The following CD48 variants were observed in gnomAD, a reference collection of about 807,000 sequenced individuals.
CD48 encodes CD48 antigen.
A neutral mutation model predicts 22.0 loss-of-function variants in CD48; 20 were observed. The ratio of observed to expected loss-of-function variants is 0.91; its 90% confidence interval spans 0.64 to 1.32. The LOEUF (loss-of-function observed/expected upper bound fraction) is 1.32. Ranked by LOEUF, CD48 falls within the 40% of genes most tolerant of loss-of-function variation. CD48 has a pLI of 0.00. For synonymous variants in CD48, 110 were observed against 110.1 expected, an observed-to-expected ratio of 1.00 and a Z score of 0.01; for missense variants, 307 against 286.5, an observed-to-expected ratio of 1.07 and a Z score of -0.52.
chr1:160,702,710 G>T (rs1284588175), intron 1 of CD48, among the ~76,000 whole-genome samples: 1 of 152,122 alleles, frequency 6.6e-6, no homozygotes, highest in Non-Finnish European at 1.5e-5. Context: ...GGACCAGTTT[G>T]GTTGGTGTCC....
intron 1 of CD48, among the ~76,000 whole-genome samples, chr1:160,707,933 A>G (rs574344390): frequency 6.6e-6 from 1 of 152,320 alleles, no homozygotes; most frequent in Non-Finnish European, 1.5e-5. Context: ...GTAAGGGTGC[A>G]ATAGATAGAT....
chr1:160,684,677 G>A, intron 2 of CD48: 1 of 1,418,688 alleles, frequency 7.0e-7, no homozygotes, highest in Non-Finnish European at 9.3e-7. Flanking sequence ...CTTCAGAAGA[G>A]GTGTTAAATG....
In CD48 at chr1:160,704,229, G is replaced by A. The variant is rs114063105; in HGVS notation, c.82+7453C>T. Among the ~76,000 whole-genome samples the A allele has an allele frequency of 5.1e-3, 777 of 152,280 alleles. 7 individuals carry two copies. Among genetic ancestry groups the A allele is most frequent in the African/African-American group, 0.018 (743 of 41,550 alleles). On this transcript the variant is annotated intron_variant, in intron 1 of 3. Transcript: ENST00000368046. ...CTGGAGGAGCCCTAGCAGTATTCAT[G>A]TAATCCATTTTACAAAACATATCTT...
intron 1 of CD48, among the ~76,000 whole-genome samples, chr1:160,701,764 A>G (rs1297511938): frequency 2.0e-5 from 3 of 152,150 alleles, no homozygotes; most frequent in Non-Finnish European, 4.4e-5. Context: ...GTGCTCTGAT[A>G]AATTTCCTCG....
intron 1 of CD48, among the ~76,000 whole-genome samples, chr1:160,706,955 A>G (rs1470259723): frequency 3.3e-5 from 5 of 152,240 alleles, no homozygotes; most frequent in Non-Finnish European, 7.3e-5. Flanking sequence ...AAATAAAAAT[A>G]ATAAAAACAA....
Position 160,685,451 on chromosome 1 carries a change from C to G in CD48, c.83-262G>C, listed in dbSNP as rs1010272615. Among the ~76,000 whole-genome samples, 5 of 152,238 alleles carry G rather than the reference C, an allele frequency of 3.3e-5. No homozygotes were observed. The South Asian group carries it at 1.0e-3, about 32-fold the overall frequency. On this transcript the variant is annotated intron_variant, in intron 1 of 3. Coordinates refer to ENST00000368046, the MANE Select transcript of CD48 (RefSeq NM_001778.4). ...CAGAAAATGAAAGAATTGAGTAAGGCCAACTGAGGTTGGGCCTGGCTCTCT... is the reference window on the plus strand; with the variant it reads ...CAGAAAATGAAAGAATTGAGTAAGGGCAACTGAGGTTGGGCCTGGCTCTCT...
At chr1:160,711,660 A>G (rs1558041770) in intron 1 of CD48, 22 bp downstream of exon 1, 3 of 1,578,378 alleles carry the variant, frequency 1.9e-6, no homozygotes, top group Non-Finnish European at 1.7e-6. Flanking sequence ...ACAATCACAG[A>G]TACACAGTTG....
chr1:160,709,963 C>T (rs754486592), intron 1 of CD48, among the ~76,000 whole-genome samples: 8 of 152,138 alleles, frequency 5.3e-5, no homozygotes, highest in Non-Finnish European at 1.0e-4. Context: ...AGAACACAGT[C>T]ACAGGCAGAC....
chr1:160,688,809 G>A (rs552499243), intron 1 of CD48, among the ~76,000 whole-genome samples: 2 of 152,248 alleles, frequency 1.3e-5, no homozygotes, highest in South Asian at 4.2e-4. Context: ...AAAGTAGAAT[G>A]ATGATTCTCG....
intron 1 of CD48, 127 bp from the exon 2 acceptor site, chr1:160,685,316 G>GAGCAGAAAATGAAAGAA: frequency 1.5e-6 from 1 of 689,402 alleles, no homozygotes; most frequent in Non-Finnish European, 2.5e-6. Context: ...AGTGAGTATG[G>GAGCAGAAAATGAAAGAA]TTTTCACTGG....
intron 1 of CD48, among the ~76,000 whole-genome samples, chr1:160,704,639 T>G (rs1662738137): frequency 6.6e-6 from 1 of 152,250 alleles, no homozygotes; most frequent in Admixed American, 6.5e-5. Flanking sequence ...TTTAATTAAC[T>G]AAAATTATGC....
At chr1:160,682,273 A>T (rs1185924679) in intron 2 of CD48, among the ~76,000 whole-genome samples, 1 of 145,958 alleles carries the variant, frequency 6.9e-6, no homozygotes, top group Non-Finnish European at 1.5e-5. Context: ...ACATTGAGAG[A>T]CTCAGTTTCT....
intron 1 of CD48, 84 bp from the exon 2 acceptor site, chr1:160,685,273 C>T: frequency 9.8e-7 from 1 of 1,019,820 alleles, no homozygotes; most frequent in Non-Finnish European, 1.4e-6. Flanking sequence ...GCTGGTGGAA[C>T]AGGTGAGAAG....
At chr1:160,709,525 T>C (rs1179453852) in intron 1 of CD48, among the ~76,000 whole-genome samples, 1 of 152,200 alleles carries the variant, frequency 6.6e-6, no homozygotes, top group Non-Finnish European at 1.5e-5. Context: ...AGTACAATAC[T>C]CTGTCTACTT....
intron 1 of CD48, 36 bp downstream of exon 1, chr1:160,711,646 G>C (rs375265524): frequency 1.7e-5 from 25 of 1,506,112 alleles, no homozygotes; most frequent in Non-Finnish European, 2.3e-5. Context: ...CATGCCTTCA[G>C]TGCACAATCA....
chr1:160,698,450 G>C (rs1019254715), intron 1 of CD48, among the ~76,000 whole-genome samples: 2 of 152,152 alleles, frequency 1.3e-5, no homozygotes. Flanking sequence ...TACGGCTGCT[G>C]TGGCAGGAGT....
chr1:160,706,309 G>A (rs1662793863), intron 1 of CD48, among the ~76,000 whole-genome samples: 1 of 152,080 alleles, frequency 6.6e-6, no homozygotes, highest in Non-Finnish European at 1.5e-5. Flanking sequence ...CCTGACCTCA[G>A]GTGATCCACC....
At chr1:160,706,384 T>G (rs941992973) in intron 1 of CD48, among the ~76,000 whole-genome samples, 1 of 152,114 alleles carries the variant, frequency 6.6e-6, no homozygotes, top group Non-Finnish European at 1.5e-5. Context: ...AATTTCAGTA[T>G]ATTATGAGTG....
Position 160,711,821 on chromosome 1 carries a change from AG to A in CD48, c.-59del. 8.0e-7 allele frequency: 1 copy of A among 1,250,136 alleles called. No individual in the cohort carries two copies. Among genetic ancestry groups the A allele is most frequent in the Non-Finnish European group, 1.2e-6 (1 of 859,562 alleles). 77.4% of individuals were successfully genotyped at this position (1,250,136 alleles called of 1,614,324 possible). ...GACAGTTGAGAGCCTGGCTAGAAAA[AG>A]GCCGGGGCTAAAAACGGAACTTACC... On this transcript the variant is annotated 5_prime_UTR_variant, in exon 1 of 4. Transcript: ENST00000368046.
Sources: gnomAD v4.1 joint callset for allele counts (sites outside exome capture counted in the v4.1 genomes callset) on GRCh38, gnomAD v4.1.1 for gene constraint, MANE v1.5 for transcripts, NCBI Gene and HGNC (gene_info 2026-07-23, HGNC 2026-07-21) for gene names.